Variants in RGS6 observed in about 807,000 individuals in gnomAD.
RGS6 encodes the protein regulator of G-protein signaling 6.
In RGS6, 30 loss-of-function variants were observed where a neutral mutation model predicts 78.5. That is an observed-to-expected ratio of 0.38 (90% CI 0.29 to 0.52). The LOEUF is 0.52. Ranked by LOEUF, RGS6 falls within the 20% of genes least tolerant of loss-of-function variation. The probability of loss-of-function intolerance (pLI) is 0.85; values close to 1 mark genes in which losing one functional copy is unlikely to be tolerated. For missense variants in RGS6, 495 were observed against 609.7 expected, an observed-to-expected ratio of 0.81 and a Z score of 1.98; for synonymous variants, 206 against 206.0, an observed-to-expected ratio of 1.00 and a Z score of 0.00.
intron 2 of RGS6, among the ~76,000 whole-genome samples, chr14:72,333,223 T>C (rs1047299866): frequency 1.3e-5 from 2 of 152,198 alleles, no homozygotes; most frequent in African/African-American, 4.8e-5. Context: ...TGGCAAATGA[T>C]CATTTCCGGG....
intron 17 of RGS6, among the ~76,000 whole-genome samples, chr14:72,549,740 T>C (rs1297505181): frequency 6.6e-6 from 1 of 152,150 alleles, no homozygotes; most frequent in Non-Finnish European, 1.5e-5. Flanking sequence ...CACATGCCTA[T>C]AATCCCAGCT....
At chr14:72,238,011 G>A (rs2051615186) in intron 2 of RGS6, among the ~76,000 whole-genome samples, 1 of 152,144 alleles carries the variant, frequency 6.6e-6, no homozygotes, top group Admixed American at 6.5e-5. Flanking sequence ...ACATAGGCTT[G>A]AAGGATGGTT....
chr14:72,080,604 C>G (rs1219812448), intron 2 of RGS6, among the ~76,000 whole-genome samples: 1 of 152,040 alleles, frequency 6.6e-6, no homozygotes, highest in Non-Finnish European at 1.5e-5. Context: ...AGACTAGTGT[C>G]TTGGAGCTTT....
At chr14:72,434,564 T>G (rs945039352) in intron 3 of RGS6, among the ~76,000 whole-genome samples, 8 of 152,160 alleles carry the variant, frequency 5.3e-5, no homozygotes, top group African/African-American at 1.9e-4. Context: ...CTGTGAAGTT[T>G]AGAGGCTTGC....
chr14:71,974,265 T>C lies in RGS6; in HGVS notation c.84+9390T>C, dbSNP rs575920048. 3.8e-3 allele frequency among the ~76,000 whole-genome samples: 574 copies of C among 152,286 alleles called. 1 individual carries two copies. Among genetic ancestry groups the C allele is most frequent in the African/African-American group, 0.013 (546 of 41,546 alleles). ...AATACATTTTAAAATAATTGGAGGATAGAAGGATTACTTTTAAAAGTTCTG... is the reference window on the plus strand; with the variant it reads ...AATACATTTTAAAATAATTGGAGGACAGAAGGATTACTTTTAAAAGTTCTG... On this transcript the variant is annotated intron_variant, in intron 2 of 17. Coordinates refer to ENST00000553525, the MANE Select transcript of RGS6 (RefSeq NM_001204424.2).
chr14:72,049,980 G>A (rs1453817471), intron 2 of RGS6, among the ~76,000 whole-genome samples: 5 of 152,050 alleles, frequency 3.3e-5, no homozygotes, highest in African/African-American at 1.2e-4. Flanking sequence ...AAACTGACCA[G>A]CTAGATGATT....
At chr14:72,308,475 T>G (rs2067775812) in intron 2 of RGS6, among the ~76,000 whole-genome samples, 1 of 152,204 alleles carries the variant, frequency 6.6e-6, no homozygotes, top group African/African-American at 2.4e-5. Flanking sequence ...ATACTTGTCT[T>G]AAATAGTCCA....
At chr14:71,971,316 A>T (rs1476179545) in intron 2 of RGS6, among the ~76,000 whole-genome samples, 1 of 152,108 alleles carries the variant, frequency 6.6e-6, no homozygotes, top group Non-Finnish European at 1.5e-5. Flanking sequence ...AGGGAAGGAG[A>T]ATCGCAATGT....
intron 15 of RGS6, among the ~76,000 whole-genome samples, chr14:72,520,353 T>C (rs1359931193): frequency 6.6e-6 from 1 of 152,186 alleles, no homozygotes; most frequent in African/African-American, 2.4e-5. Context: ...TCCTATAAAT[T>C]CGTTTTATAA....
chr14:72,509,236 G>A (rs140373699), intron 13 of RGS6, among the ~76,000 whole-genome samples: 3,109 of 152,014 alleles, frequency 0.02, 69 homozygotes, highest in South Asian at 0.09. Context: ...GTGGTGGTAC[G>A]CACCTGTAGT....
chr14:72,600,933 A>G, the RGS6 span, among the ~76,000 whole-genome samples: 2 of 150,978 alleles, frequency 1.3e-5, no homozygotes, highest in Non-Finnish European at 2.9e-5. Flanking sequence ...GCTGCGGGAA[A>G]GAGGCAAAGA....
chr14:72,084,438 T>G (rs929679702), intron 2 of RGS6, among the ~76,000 whole-genome samples: 3 of 152,150 alleles, frequency 2.0e-5, no homozygotes, highest in African/African-American at 7.2e-5. Flanking sequence ...ATTAAGCAAT[T>G]AAGGATCTCT....
At chr14:71,923,809 G>A in the RGS6 span, among the ~76,000 whole-genome samples, 7 of 152,066 alleles carry the variant, frequency 4.6e-5, no homozygotes, top group Non-Finnish European at 1.0e-4. Context: ...GGATCCAAAG[G>A]GGAATGAGGG....
At chr14:72,257,482 G>A (rs1171577348) in intron 2 of RGS6, among the ~76,000 whole-genome samples, 1 of 152,080 alleles carries the variant, frequency 6.6e-6, no homozygotes, top group Admixed American at 6.5e-5. Flanking sequence ...CATGTCACTG[G>A]GGACCCCAAA....
chr14:72,561,099 T>C (rs1259987459), intron 17 of RGS6, among the ~76,000 whole-genome samples: 1 of 152,168 alleles, frequency 6.6e-6, no homozygotes, highest in Non-Finnish European at 1.5e-5. Flanking sequence ...TGTTGTTTAT[T>C]AGATAAACCC....
chr14:72,055,107 T>C (rs1359674654), intron 2 of RGS6, among the ~76,000 whole-genome samples: 1 of 152,224 alleles, frequency 6.6e-6, no homozygotes, highest in African/African-American at 2.4e-5. Flanking sequence ...TCTCCTGGCA[T>C]GCATGTGCCG....
intron 3 of RGS6, among the ~76,000 whole-genome samples, chr14:72,391,438 G>T (rs752267667): frequency 2.0e-5 from 3 of 152,174 alleles, no homozygotes; most frequent in Non-Finnish European, 4.4e-5. Flanking sequence ...AGAGAGGCAA[G>T]GTACCTGTGT....
At chr14:72,122,916 A>C (rs1032618378) in intron 2 of RGS6, among the ~76,000 whole-genome samples, 8 of 152,196 alleles carry the variant, frequency 5.3e-5, no homozygotes, top group Non-Finnish European at 1.2e-4. Context: ...TTTCATCATT[A>C]AGATAAGATT....
intron 2 of RGS6, among the ~76,000 whole-genome samples, chr14:71,984,383 A>G (rs2094599028): frequency 6.7e-6 from 1 of 148,610 alleles, no homozygotes; most frequent in Non-Finnish European, 1.5e-5. Context: ...GGTGGCTTGC[A>G]TCTGTAGTCC....
Sources: allele counts gnomAD v4.1 joint callset (sites outside exome capture counted in the v4.1 genomes callset), GRCh38; gene constraint gnomAD v4.1.1; transcripts MANE v1.5; gene names NCBI Gene and HGNC (gene_info 2026-07-23, HGNC 2026-07-21).